Variants in TOE1 observed in about 807,000 individuals in gnomAD.
TOE1 encodes the protein target of EGR1, exonuclease.
A neutral mutation model predicts 49.2 loss-of-function variants in TOE1; 50 were observed. The observed-to-expected ratio is 1.02, with a 90% confidence interval of 0.81 to 1.29. TOE1 has a LOEUF of 1.29. Among genes scored for constraint, TOE1 ranks in the 50% most tolerant of loss-of-function variants. The pLI is 0.00. For missense variants in TOE1, 544 were observed against 654.4 expected (o/e 0.83, Z 1.84); for synonymous variants, 221 against 247.0 (o/e 0.89, Z 0.99).
intron 1 of TOE1, among the ~76,000 whole-genome samples, chr1:45,340,707 G>T (rs973966580): frequency 1.3e-5 from 2 of 152,192 alleles, no homozygotes; most frequent in African/African-American, 4.8e-5. Flanking sequence ...CAGTAGTATG[G>T]ATCCCTGTGG....
rs1237469769 is a variant in TOE1, at chr1:45,341,183, A to G, written c.163A>G (p.Ile55Val). Residue 55 changes from isoleucine to valine, a missense_variant, in exon 2 of 8, where the codon ATA (isoleucine) becomes GTA (valine). By Grantham distance (29) the Ile-to-Val change is conservative. Transcript: ENST00000372090. ...GATGTGGCCATCCCTCCTGCTAGCC[A>G]TAAAGACAGCTAATTTCGTGGCTGT... ...KEMWPSLLLA[I>V]KTANFVAVDT... The G allele has an allele frequency of 2.5e-6, 4 of 1,614,082 alleles. No individual in the cohort carries two copies. The South Asian group carries it at 3.3e-5, about 13-fold the overall frequency.
chr1:45,343,032 G>C lies in TOE1; in HGVS notation c.912+30G>C, dbSNP rs370044096. The stretch of plus-strand genomic sequence containing the variant: ...GAGCACCCACCTGTTTCTTGGGAGG[G>C]AAGGTTCTGATGCCTGGAGCCTCTT... On this transcript the variant is annotated intron_variant, in intron 7 of 7. Coordinates refer to ENST00000372090, the MANE Select transcript of TOE1 (RefSeq NM_025077.4). This position sits in a 1 kb window ranked among gnomAD's most constrained non-coding sequence, Gnocchi z 4.3. The C allele has an allele frequency of 5.6e-6, 9 of 1,613,584 alleles. No individual in the cohort carries two copies. In the African/African-American group the frequency reaches 1.2e-4, roughly 22 times the overall value.
chr1:45,343,729 G>A lies in TOE1; in HGVS notation c.*27G>A. On this transcript the variant is annotated 3_prime_UTR_variant, in exon 8 of 8. Transcript: ENST00000372090. The surrounding 1 kb of genome is among the most constrained non-coding windows in gnomAD (Gnocchi z 4.3). ...GCAACTTCCACCTTGCTCTCAGGTG[G>A]AACAGAGGTATTTTGGGTCTCTCTA... 1 of 1,589,566 alleles carries A rather than the reference G, an allele frequency of 6.3e-7. No individual in the cohort carries two copies. Among genetic ancestry groups the A allele is most frequent in the South Asian group, 1.1e-5 (1 of 88,174 alleles).
chr1:45,341,239 G>A, intron 2 of TOE1, 24 bp downstream of exon 2: 1 of 1,614,166 alleles, frequency 6.2e-7, no homozygotes, highest in South Asian at 1.1e-5. Flanking sequence ...AACAAGGAGG[G>A]CAGGTGGTTG....
chr1:45,341,214 C>T lies in TOE1; in HGVS notation c.194C>T (p.Thr65Met), dbSNP rs1557524547. The T allele has an allele frequency of 3.1e-6, 5 of 1,614,148 alleles. No individual in the cohort carries two copies. The highest frequency in any genetic ancestry group is 1.1e-5 in the South Asian group (1 of 91,076). ...ACAGCTAATTTCGTGGCTGTGGACA[C>T]GGTGAGAGTTGGGAAACAAGGAGGG... ...IKTANFVAVD[T>M]ELSGLGDRKS... The change falls in exon 2 of 8, where the codon ACG becomes ATG. Residue 65 changes from threonine (T) to methionine (M), a missense_variant and splice_region_variant. Physicochemically the swap from Thr to Met is moderately conservative, Grantham distance 81. Coordinates refer to ENST00000372090, the MANE Select transcript of TOE1 (RefSeq NM_025077.4).
rs1365403648 is a variant in TOE1, at chr1:45,341,167, A to G, written c.147A>G (p.Pro49=). The G allele has an allele frequency of 6.2e-7, 1 of 1,614,186 alleles. No homozygotes were observed. Among genetic ancestry groups the G allele is most frequent in the Non-Finnish European group, 8.5e-7 (1 of 1,180,030 alleles). Residue 49 remains proline, a synonymous_variant, in exon 2 of 8, where the codon CCA becomes CCG. Coordinates refer to ENST00000372090, the MANE Select transcript of TOE1 (RefSeq NM_025077.4). ...GCAACAACTTCAAGGAGATGTGGCCATCCCTCCTGCTAGCCATAAAGACAG... is the reference window on the plus strand; with the variant it reads ...GCAACAACTTCAAGGAGATGTGGCCGTCCCTCCTGCTAGCCATAAAGACAG... ...VQSNNFKEMW[P]SLLLAIKTAN... is the part of the protein sequence containing the mutation.
chr1:45,341,305 G>T lies in TOE1; in HGVS notation c.198G>T (p.Glu66Asp). Reference sequence around the variant, plus strand: ...ACTCTCCCTTTACCTACCCACAGGAGCTGAGTGGGCTTGGGGACAGGAAGA... The same window carrying T: ...ACTCTCCCTTTACCTACCCACAGGATCTGAGTGGGCTTGGGGACAGGAAGA... ...KTANFVAVDT[E>D]LSGLGDRKSL... Residue 66 changes from glutamate to aspartate, a missense_variant and splice_region_variant, in exon 3 of 8, where the codon GAG becomes GAT. Coordinates refer to ENST00000372090, the MANE Select transcript of TOE1 (RefSeq NM_025077.4). 1 of 1,614,224 alleles carries T rather than the reference G, an allele frequency of 6.2e-7. No homozygotes were observed. Among genetic ancestry groups the T allele is most frequent in the African/African-American group, 1.3e-5 (1 of 75,060 alleles).
Position 45,341,019 on chromosome 1 carries a change from T to C in TOE1, c.53-54T>C. ...TCACCGTGGCCTAGCTTGGTGTCTG[T>C]TCCCCTGGGCTCTTTCCTTAAGCAT... On this transcript the variant is annotated intron_variant, in intron 1 of 7. Coordinates refer to ENST00000372090, the MANE Select transcript of TOE1 (RefSeq NM_025077.4). The C allele has an allele frequency of 4.3e-6, 7 of 1,610,212 alleles. No individual in the cohort carries two copies. In the South Asian group the frequency reaches 7.7e-5, roughly 18 times the overall value.
Position 45,343,922 on chromosome 1 carries a change from C to T in TOE1, c.*220C>T. 1 of 426,948 alleles carries T rather than the reference C, an allele frequency of 2.3e-6. No homozygotes were observed. The highest frequency in any genetic ancestry group is 4.1e-6 in the Non-Finnish European group (1 of 243,126). 26.4% of individuals were successfully genotyped at this position (426,948 alleles called of 1,614,324 possible). A position where few individuals can be genotyped will look rare whatever the true frequency, so the allele number is the denominator to read the frequency against. On this transcript the variant is annotated 3_prime_UTR_variant, in exon 8 of 8. Transcript: ENST00000372090. The surrounding 1 kb of genome is among the most constrained non-coding windows in gnomAD (Gnocchi z 4.3). Reference sequence around the variant, plus strand: ...ACTTTATTTTTAAGTCTGAAAATGTCTTGGGAAAGTTTTACAAAAAAAAAA... The same window carrying T: ...ACTTTATTTTTAAGTCTGAAAATGTTTTGGGAAAGTTTTACAAAAAAAAAA...
chr1:45,343,365 A>T lies in TOE1; in HGVS notation c.1196A>T (p.Asn399Ile). 1 of 1,614,140 alleles carries T rather than the reference A, an allele frequency of 6.2e-7. No individual in the cohort carries two copies. The highest frequency in any genetic ancestry group is 8.5e-7 in the Non-Finnish European group (1 of 1,180,036). The change falls in exon 8 of 8, where the codon AAC becomes ATC. Residue 399 changes from asparagine to isoleucine, a missense_variant. By Grantham distance (149) the Asn-to-Ile change is moderately radical. Transcript: ENST00000372090. The surrounding 1 kb of genome is among the most constrained non-coding windows in gnomAD (Gnocchi z 4.3). ...TRNLPHSKQG[N>I]KNDLEMGIKA... is the part of the protein sequence containing the mutation. ...AACCTGCCTCACTCCAAGCAAGGCA[A>T]CAAAAATGACTTAGAGATGGGGATT...
Position 45,342,983 on chromosome 1 carries a change from G to T in TOE1, c.893G>T (p.Ser298Ile). 5.0e-6 allele frequency: 8 copies of T among 1,613,730 alleles called. No homozygotes were observed. Among genetic ancestry groups the T allele is most frequent in the Non-Finnish European group, 6.8e-6 (8 of 1,179,928 alleles). Residue 298 changes from serine (S) to isoleucine (I), a missense_variant, in exon 7 of 8, where the codon AGC becomes ATC. Physicochemically the swap from Ser to Ile is moderately radical, Grantham distance 142. Coordinates refer to ENST00000372090, the MANE Select transcript of TOE1 (RefSeq NM_025077.4). ...GCAACCCACCGTCCTCATCCCACCA[G>T]CATCTGTGACAACTTCTCGGTGAGA... ...PPATHRPHPTSICDNFSAYGW... is the reference protein window; with the variant it reads ...PPATHRPHPTIICDNFSAYGW...
rs540793556 is a variant in TOE1 at position 45,340,199 on chromosome 1, G to A, written c.-54G>A. 3.7e-6 allele frequency: 6 copies of A among 1,613,538 alleles called. No individual in the cohort carries two copies. The highest frequency in any genetic ancestry group is 1.1e-5 in the South Asian group (1 of 91,054). The stretch of plus-strand genomic sequence containing the variant: ...GACTGCCTGAACCGCGCCAGGAGAC[G>A]GACCGCAAGTCCAGCGTACCCACAG... On this transcript the variant is annotated 5_prime_UTR_variant, in exon 1 of 8. Transcript: ENST00000372090.
chr1:45,342,379 T>C lies in TOE1; in HGVS notation c.493-5T>C. 1 of 1,613,766 alleles carries C rather than the reference T, an allele frequency of 6.2e-7. No homozygotes were observed. The highest frequency in any genetic ancestry group is 8.5e-7 in the Non-Finnish European group (1 of 1,179,808). ...CTCCTCATTGACCCCTTTACTTTCA[T>C]CTAGGGTGATGAGAGCCAGAGCCAG... is the stretch of plus-strand genomic sequence containing the variant. On this transcript the variant is annotated splice_polypyrimidine_tract_variant and splice_region_variant and intron_variant, in intron 5 of 7. Coordinates refer to ENST00000372090, the MANE Select transcript of TOE1 (RefSeq NM_025077.4).
rs1373585551 is a variant in TOE1, at chr1:45,343,602, T to G, written c.1433T>G (p.Leu478Trp). ...CCTGAATGCCACAATAAGGTATATT[T>G]GAGTGGCAAAGCTGTACCCCTCACA... ...WLPECHNKVY[L>W]SGKAVPLTVA... The change falls in exon 8 of 8, where the codon TTG (leucine) becomes TGG (tryptophan). Residue 478 changes from leucine (L) to tryptophan (W), a missense_variant. By Grantham distance (61) the Leu-to-Trp change is moderately conservative (BLOSUM62 -2). Transcript: ENST00000372090. The surrounding 1 kb of genome is among the most constrained non-coding windows in gnomAD (Gnocchi z 4.3). 6.2e-7 allele frequency: 1 copy of G among 1,614,106 alleles called. No homozygotes were observed. The highest frequency in any genetic ancestry group is 1.7e-5 in the Admixed American group (1 of 60,018).
Position 45,340,674 on chromosome 1 carries a change from G to C in TOE1, c.52+370G>C. ...TGGGGCTTACTGGGAGCTGTTGCTT[G>C]TGGCGCTGGGGCACCATGAGAACAG... On this transcript the variant is annotated intron_variant, in intron 1 of 7. Transcript: ENST00000372090. 4 of 1,006,794 alleles carry C rather than the reference G, an allele frequency of 4.0e-6. No homozygotes were observed. In the South Asian group the frequency reaches 5.5e-5, roughly 14 times the overall value. 62.4% of individuals were successfully genotyped at this position (1,006,794 alleles called of 1,614,324 possible). A position where few individuals can be genotyped will look rare whatever the true frequency, so the allele number is the denominator to read the frequency against.
rs748559722 is a variant in TOE1, at chr1:45,342,833, G to A, written c.753-10G>A. The A allele has an allele frequency of 2.5e-6, 4 of 1,614,028 alleles. No individual in the cohort carries two copies. The highest frequency in any genetic ancestry group is 3.4e-6 in the Non-Finnish European group (4 of 1,179,976). Reference sequence around the variant, plus strand: ...TGCTAGTGGACCATTACCCTCTTGCGCTGTTGCAGTGAACGGGAAAATGGG... The same window carrying A: ...TGCTAGTGGACCATTACCCTCTTGCACTGTTGCAGTGAACGGGAAAATGGG... On this transcript the variant is annotated splice_polypyrimidine_tract_variant and intron_variant, in intron 6 of 7. Coordinates refer to ENST00000372090, the MANE Select transcript of TOE1 (RefSeq NM_025077.4).
intron 4 of TOE1, 93 bp downstream of exon 4, chr1:45,341,662 C>A: frequency 2.5e-6 from 3 of 1,183,348 alleles, no homozygotes; most frequent in South Asian, 1.5e-5. Context: ...ATTTCTCTCC[C>A]AAATCTTTTT....
At chr1:45,341,839 C>T in intron 4 of TOE1, 110 bp from the exon 5 acceptor site, 1 of 1,207,388 alleles carries the variant, frequency 8.3e-7, no homozygotes. Flanking sequence ...CACCTGCCTC[C>T]ATCCTTTCCC....
intron 1 of TOE1, chr1:45,340,515 C>A: frequency 7.0e-7 from 1 of 1,429,174 alleles, no homozygotes; most frequent in South Asian, 1.5e-5. Flanking sequence ...GGAGGCATGG[C>A]GGGAGATGTA....
Sources: allele counts gnomAD v4.1 joint callset (sites outside exome capture counted in the v4.1 genomes callset), GRCh38; gene constraint gnomAD v4.1.1; non-coding constraint Gnocchi (gnomAD v3.1); transcripts MANE v1.5; gene names NCBI Gene and HGNC (gene_info 2026-07-23, HGNC 2026-07-21).